AGAP1: variants seen among roughly 807,000 people sequenced by gnomAD.
AGAP1 encodes arf-GAP with GTPase, ANK repeat and PH domain-containing protein 1.
A neutral mutation model predicts 105.3 loss-of-function variants in AGAP1; 29 were observed. The ratio of observed to expected loss-of-function variants is 0.28; its 90% CI spans 0.21 to 0.38. The LOEUF (loss-of-function observed/expected upper bound fraction) is 0.38. AGAP1 is among the 10% of genes least tolerant of loss of function. AGAP1 has a pLI of 1.00. For missense variants in AGAP1, 998 were observed against 1,165.1 expected, an observed-to-expected ratio of 0.86 and a Z score of 2.09; for synonymous variants, 509 against 485.9, an observed-to-expected ratio of 1.05 and a Z score of -0.63.
Position 235,566,511 on chromosome 2 carries a change from A to G in AGAP1, c.163+71662A>G. 1 of 900,084 alleles carries G rather than the reference A, an allele frequency of 1.1e-6. No individual in the cohort carries two copies. Among genetic ancestry groups the G allele is most frequent in the Non-Finnish European group, 1.3e-6 (1 of 752,184 alleles). 55.8% of individuals were successfully genotyped at this position (900,084 alleles called of 1,614,324 possible). A position where few individuals can be genotyped will look rare whatever the true frequency, so the allele number is the denominator to read the frequency against. ...AGATAAGCATTCATAAACAGTGAAA[A>G]GCACAAATCATCAGTGCGCCGTACG... On this transcript the variant is annotated intron_variant, in intron 1 of 17. Coordinates refer to ENST00000304032, the MANE Select transcript of AGAP1 (RefSeq NM_001037131.3). This position sits in a 1 kb window ranked among gnomAD's most constrained non-coding sequence, Gnocchi z 5.2.
rs1402516852 is a variant in AGAP1 at position 236,123,431 on chromosome 2, G to C, written c.2371-488G>C. On this transcript the variant is annotated intron_variant, in intron 17 of 17. Transcript: ENST00000304032. This position sits in a 1 kb window ranked among gnomAD's most constrained non-coding sequence, Gnocchi z 4.6. ...GAAAAAAATACAAATTATTTGTACA[G>C]TCTTATCTCAATTATGTACATATAC... 6.6e-6 allele frequency among the ~76,000 whole-genome samples: 1 copy of C among 152,110 alleles called. No individual in the cohort carries two copies. The highest frequency in any genetic ancestry group is 6.5e-5 in the Admixed American group (1 of 15,274).
rs55990003 is a variant in AGAP1 at position 235,651,184 on chromosome 2, C to CAAAAAAAAAAAAAAAAA, written c.164-57978_164-57962dup. Among the ~76,000 whole-genome samples, 10 of 54,154 alleles carry CAAAAAAAAAAAAAAAAA rather than the reference C, an allele frequency of 1.8e-4. 1 individual carries two copies. Among genetic ancestry groups the CAAAAAAAAAAAAAAAAA allele is most frequent in the Admixed American group, 3.7e-4 (1 of 2,712 alleles). 35.5% of individuals were successfully genotyped at this position (54,154 alleles called of 152,430 possible). On this transcript the variant is annotated intron_variant, in intron 1 of 17. Coordinates refer to ENST00000304032, the MANE Select transcript of AGAP1 (RefSeq NM_001037131.3). ...AGAGTGACAGAGTGAAACTCCATCT[C>CAAAAAAAAAAAAAAAAA]AAAAAAAAAAAAAAAAAAAAAAAAA...
chr2:235,709,950 A>G (rs907064334), intron 2 of AGAP1, among the ~76,000 whole-genome samples: 1 of 152,158 alleles, frequency 6.6e-6, no homozygotes, highest in Admixed American at 6.5e-5. Flanking sequence ...ATGTATGTAT[A>G]TATGTGTATA....
At position 235,695,968 on chromosome 2, in the gene AGAP1, C is replaced by T. The variant is rs144352798; in HGVS notation, c.164-13211C>T. On this transcript the variant is annotated intron_variant, in intron 1 of 17. Coordinates refer to ENST00000304032, the MANE Select transcript of AGAP1 (RefSeq NM_001037131.3). Reference sequence around the variant, plus strand: ...GTCTGTGCTGAGAACAGAGGAGGGCCGAGGAGACACTTGCATGGGGTTGTC... The same window carrying T: ...GTCTGTGCTGAGAACAGAGGAGGGCTGAGGAGACACTTGCATGGGGTTGTC... Among the ~76,000 whole-genome samples the T allele has an allele frequency of 3.9e-3, 590 of 152,240 alleles. 4 individuals carry two copies. Among genetic ancestry groups the T allele is most frequent in the Non-Finnish European group, 6.9e-3 (470 of 68,020 alleles).
intron 10 of AGAP1, among the ~76,000 whole-genome samples, chr2:235,899,613 A>G (rs977743606): frequency 2.6e-5 from 4 of 152,238 alleles, no homozygotes; most frequent in Non-Finnish European, 5.9e-5. Flanking sequence ...CAGTATCACC[A>G]TGGTGAACAT....
chr2:235,895,699 TTGGATGGATGGATGGATGGATGGA>T (rs113317282), intron 10 of AGAP1, among the ~76,000 whole-genome samples: 6 of 118,908 alleles, frequency 5.0e-5, no homozygotes, highest in African/African-American at 1.6e-4. Flanking sequence ...CACTGGCTTG[TTGGATGGATGGATGGATGGATGGA>T]TGGATGGATG....
chr2:235,545,663 TCAA>T (rs1446727100), intron 1 of AGAP1, among the ~76,000 whole-genome samples: 23 of 152,208 alleles, frequency 1.5e-4, no homozygotes, highest in Non-Finnish European at 3.4e-4. Flanking sequence ...CCTCTGGAAA[TCAA>T]CACGTATTGC....
chr2:235,564,621 CCACCACCCA>C, intron 1 of AGAP1, among the ~76,000 whole-genome samples: 1 of 142,770 alleles, frequency 7.0e-6, no homozygotes, highest in African/African-American at 2.7e-5. Flanking sequence ...TGAGCCTGGA[CCACCACCCA>C]GGGCCAGGTG....
chr2:235,650,565 ACT>A (rs143290661), intron 1 of AGAP1, among the ~76,000 whole-genome samples: 2,779 of 152,004 alleles, frequency 0.018, 37 homozygotes, highest in African/African-American at 0.033. Context: ...AAAACATAAA[ACT>A]CTGCAGTCTC....
chr2:235,945,668 T>C (rs2053462417), intron 12 of AGAP1, among the ~76,000 whole-genome samples: 1 of 152,146 alleles, frequency 6.6e-6, no homozygotes, highest in Non-Finnish European at 1.5e-5. Context: ...CACAAAGCTC[T>C]TAGATTCGGG....
At chr2:236,074,891 C>CA (rs2058595353) in intron 16 of AGAP1, among the ~76,000 whole-genome samples, 1 of 152,042 alleles carries the variant, frequency 6.6e-6, no homozygotes, top group South Asian at 2.1e-4. Flanking sequence ...CCCATCTCTA[C>CA]AAAAAATACA....
In AGAP1 at chr2:235,712,888, G is replaced by A. The variant is rs371448539; in HGVS notation, c.222+3651G>A. ...ACGGGTGGCGTGACACACTTGAAAC[G>A]GCATTTTGACCCCTTATTTTATTTT... is the stretch of plus-strand genomic sequence containing the variant. On this transcript the variant is annotated intron_variant, in intron 2 of 17. Coordinates refer to ENST00000304032, the MANE Select transcript of AGAP1 (RefSeq NM_001037131.3). The surrounding 1 kb of genome is among the most constrained non-coding windows in gnomAD (Gnocchi z 6.0). Among the ~76,000 whole-genome samples the A allele has an allele frequency of 3.6e-4, 55 of 152,306 alleles. No homozygotes were observed. The East Asian group carries it at 6.6e-3, about 18-fold the overall frequency.
In AGAP1 at chr2:235,874,958, T is replaced by G. The variant is rs1575667892; in HGVS notation, c.1051-8387T>G. On this transcript the variant is annotated intron_variant, in intron 9 of 17. Coordinates refer to ENST00000304032, the MANE Select transcript of AGAP1 (RefSeq NM_001037131.3). The surrounding 1 kb of genome is among the most constrained non-coding windows in gnomAD (Gnocchi z 4.5). Reference sequence around the variant, plus strand: ...CCATTAGATAGGCAGTAACCTCTTGTGAAGCGGAAGCAAACTAGAAACAGC... The same window carrying G: ...CCATTAGATAGGCAGTAACCTCTTGGGAAGCGGAAGCAAACTAGAAACAGC... Among the ~76,000 whole-genome samples, 7 of 152,258 alleles carry G rather than the reference T, an allele frequency of 4.6e-5. No individual in the cohort carries two copies. The South Asian group carries it at 1.5e-3, about 32-fold the overall frequency.
chr2:235,998,925 T>C (rs1007540024), intron 13 of AGAP1, among the ~76,000 whole-genome samples: 2 of 148,936 alleles, frequency 1.3e-5, no homozygotes, highest in African/African-American at 5.0e-5. Context: ...GATAGTATGA[T>C]GATCAATATG....
intron 1 of AGAP1, among the ~76,000 whole-genome samples, chr2:235,568,546 C>T (rs11898109): frequency 0.38 from 58,094 of 151,996 alleles, 11,510 homozygotes; most frequent in Middle Eastern, 0.49. Flanking sequence ...GAGACCCAGA[C>T]GGCAGGAAGG....
chr2:236,122,944 A>G (rs1044152673), intron 17 of AGAP1, among the ~76,000 whole-genome samples: 3 of 152,092 alleles, frequency 2.0e-5, no homozygotes, highest in South Asian at 2.1e-4. Context: ...CGGCCTCCCA[A>G]AGTGCTGGGA....
rs757112345 is a variant in AGAP1 at position 235,993,593 on chromosome 2, G to A, written c.1645+24970G>A. Among the ~76,000 whole-genome samples, 1 of 152,222 alleles carries A rather than the reference G, an allele frequency of 6.6e-6. No homozygotes were observed. The highest frequency in any genetic ancestry group is 1.5e-5 in the Non-Finnish European group (1 of 68,036). On this transcript the variant is annotated intron_variant, in intron 13 of 17. Transcript: ENST00000304032. The surrounding 1 kb of genome is among the most constrained non-coding windows in gnomAD (Gnocchi z 5.0). ...TCCCAAAGTTCACATTGTGGAAACT[G>A]AAGCCAGCAAGATACTGTGAAGGAA...
chr2:235,756,230 G>A (rs558027978), intron 6 of AGAP1, among the ~76,000 whole-genome samples: 142 of 152,162 alleles, frequency 9.3e-4, no homozygotes, highest in Admixed American at 2.0e-3. Context: ...TGCGGGTGGC[G>A]GTGCCACAGA....
chr2:236,041,874 G>A (rs917425488), intron 15 of AGAP1, among the ~76,000 whole-genome samples: 5 of 152,164 alleles, frequency 3.3e-5, no homozygotes, highest in Non-Finnish European at 7.3e-5. Context: ...AGGAGCTGTC[G>A]TGTCAGCAGG....
Sources: allele counts gnomAD v4.1 joint callset (sites outside exome capture counted in the v4.1 genomes callset), GRCh38; gene constraint gnomAD v4.1.1; non-coding constraint Gnocchi (gnomAD v3.1); transcripts MANE v1.5; gene names NCBI Gene and HGNC (gene_info 2026-07-23, HGNC 2026-07-21).